The following PDZD2 variants were observed in gnomAD, a reference collection of about 807,000 sequenced individuals.
The protein encoded by PDZD2 is PDZ domain-containing protein 2.
A neutral mutation model predicts 220.7 loss-of-function variants in PDZD2; 90 were observed. The observed-to-expected ratio is 0.41, with a 90% CI of 0.34 to 0.49. PDZD2 has a LOEUF of 0.49. Ranked by LOEUF, PDZD2 falls within the 20% of genes least tolerant of loss-of-function variation. The probability of loss-of-function intolerance (pLI) is 0.28; values close to 1 mark genes in which losing one functional copy is unlikely to be tolerated. For missense variants in PDZD2, 3,174 were observed against 3,608.5 expected (o/e 0.88, Z 3.08); for synonymous variants, 1,375 against 1,450.5 (o/e 0.95, Z 1.18).
In PDZD2 at chr5:31,867,919, C is replaced by T. The variant is rs1304434037; in HGVS notation, c.476+68195C>T. ...CGGGGAGGGGCGGGGCAGAGCAGGG[C>T]AGGGGGAGCTGGTGACCTTTACTGA... On this transcript the variant is annotated intron_variant, in intron 2 of 24. Transcript: ENST00000438447. 2.0e-5 allele frequency among the ~76,000 whole-genome samples: 3 copies of T among 151,694 alleles called. No homozygotes were observed. In the East Asian group the frequency reaches 5.8e-4, roughly 29 times the overall value.
In PDZD2 at chr5:32,087,601, G is replaced by A. The variant is rs371289704; in HGVS notation, c.4153G>A (p.Val1385Met). ...TTCCCTGCTGGAGGGAGCAGATTCT[G>A]TGTCCTCAAGGGCACCGCAGGCCAG... ...EPSLLEGADSVSSRAPQASLS... is the reference protein window; with the variant it reads ...EPSLLEGADSMSSRAPQASLS... The change falls in exon 20 of 25, where the codon GTG (valine) becomes ATG (methionine). Residue 1385 changes from valine (V) to methionine (M), a missense_variant. By Grantham distance (21) the Val-to-Met change is conservative. Around this residue, in one of 4 missense-constraint regions of PDZD2, gnomAD observed 1,861 missense variants for 2,001.0 expected, o/e 0.93. Transcript: ENST00000438447. This position sits in a 1 kb window ranked among gnomAD's most constrained non-coding sequence, Gnocchi z 4.0. 197 of 1,614,014 alleles carry A rather than the reference G, an allele frequency of 1.2e-4. No homozygotes were observed. The highest frequency in any genetic ancestry group is 1.5e-4 in the Non-Finnish European group (180 of 1,180,010).
chr5:32,027,117 T>G (rs1211267050), intron 6 of PDZD2, among the ~76,000 whole-genome samples: 1 of 152,122 alleles, frequency 6.6e-6, no homozygotes, highest in Non-Finnish European at 1.5e-5. Context: ...TTGGCCAGGC[T>G]GGTCTTGAAC....
chr5:31,994,448 G>A (rs545602655), intron 3 of PDZD2, among the ~76,000 whole-genome samples: 2 of 152,112 alleles, frequency 1.3e-5, no homozygotes, highest in Admixed American at 1.3e-4. Flanking sequence ...TCTACCAAAC[G>A]TCTCATTTAT....
chr5:31,821,387 ATTTT>A (rs11388695), intron 2 of PDZD2, among the ~76,000 whole-genome samples: 9 of 92,534 alleles, frequency 9.7e-5, no homozygotes, highest in African/African-American at 2.7e-4. Context: ...TATTATTATT[ATTTT>A]TTTTTTTTGA....
At chr5:31,767,436 A>G (rs549004270) in intron 1 of PDZD2, among the ~76,000 whole-genome samples, 1 of 152,320 alleles carries the variant, frequency 6.6e-6, no homozygotes, top group African/African-American at 2.4e-5. Flanking sequence ...GTGTCTGCCA[A>G]TGGTCACCCG....
chr5:32,021,007 GAA>G (rs201973889), intron 6 of PDZD2, among the ~76,000 whole-genome samples: 1 of 150,954 alleles, frequency 6.6e-6, no homozygotes, highest in Admixed American at 6.6e-5. Context: ...GTGCCGGGGG[GAA>G]AAAAACCCCA....
intron 1 of PDZD2, among the ~76,000 whole-genome samples, chr5:31,729,120 T>TG (rs1554067451): frequency 6.7e-6 from 1 of 150,248 alleles, no homozygotes; most frequent in Non-Finnish European, 1.5e-5. Context: ...TTTTTTTTTT[T>TG]GAGACAGAGT....
chr5:31,859,737 A>T (rs998785156), intron 2 of PDZD2, among the ~76,000 whole-genome samples: 1 of 152,186 alleles, frequency 6.6e-6, no homozygotes. Context: ...CTAAAAAGCT[A>T]ACTGGAAGGT....
At chr5:31,672,756 G>A (rs998852426) in intron 1 of PDZD2, among the ~76,000 whole-genome samples, 1 of 152,184 alleles carries the variant, frequency 6.6e-6, no homozygotes, top group Admixed American at 6.5e-5. Flanking sequence ...GAGGTTTAGA[G>A]GAAATTGTCT....
At chr5:31,759,543 T>C (rs1229493794) in intron 1 of PDZD2, among the ~76,000 whole-genome samples, 1 of 46,492 alleles carries the variant, frequency 2.2e-5, no homozygotes, top group Non-Finnish European at 5.6e-5. Context: ...CAGAACTATT[T>C]TTTTTTTTTT....
intron 5 of PDZD2, among the ~76,000 whole-genome samples, chr5:32,002,669 CCACA>C (rs1247783561): frequency 3.2e-5 from 4 of 123,190 alleles, no homozygotes; most frequent in East Asian, 2.4e-4. Context: ...CACACACACA[CCACA>C]CACACACCAA....
At chr5:31,926,497 G>A (rs1400283446) in intron 2 of PDZD2, among the ~76,000 whole-genome samples, 1 of 135,350 alleles carries the variant, frequency 7.4e-6, no homozygotes, top group Non-Finnish European at 1.5e-5. Context: ...CTGCACTCCA[G>A]CCTGGGCAAC....
At chr5:31,710,588 C>T (rs1040776236) in intron 1 of PDZD2, among the ~76,000 whole-genome samples, 6 of 152,006 alleles carry the variant, frequency 3.9e-5, no homozygotes, top group Admixed American at 1.3e-4. Flanking sequence ...GAGGCCGAGG[C>T]GGGTGGATCA....
rs76471478 is a variant in PDZD2, at chr5:31,674,303, C to G, written c.-361+34866C>G. 7.6e-4 allele frequency among the ~76,000 whole-genome samples: 116 copies of G among 152,228 alleles called. 1 individual carries two copies. In the East Asian group the frequency reaches 0.02, roughly 26 times the overall value. On this transcript the variant is annotated intron_variant, in intron 1 of 24. Transcript: ENST00000438447. ...GAGAAAAATCGAGTCAAGAGAGTGA[C>G]TAATGAGTAAGCTAATTACTCACTT...
chr5:32,038,657 G>T (rs1399694405), intron 7 of PDZD2, among the ~76,000 whole-genome samples: 1 of 151,978 alleles, frequency 6.6e-6, no homozygotes, highest in African/African-American at 2.4e-5. Context: ...CACTTTTATG[G>T]GTCCCTGAAG....
At chr5:31,888,481 C>T (rs988122923) in intron 2 of PDZD2, among the ~76,000 whole-genome samples, 24 of 152,174 alleles carry the variant, frequency 1.6e-4, no homozygotes, top group African/African-American at 5.1e-4. Context: ...TGTGAGCCAC[C>T]GCACCCGGCC....
chr5:31,838,821 G>C (rs1170626177), intron 2 of PDZD2, among the ~76,000 whole-genome samples: 1 of 152,214 alleles, frequency 6.6e-6, no homozygotes, highest in Non-Finnish European at 1.5e-5. Context: ...CAAGAGGCCA[G>C]GTCTGTGAAC....
At chr5:31,926,436 G>A (rs1205078479) in intron 2 of PDZD2, among the ~76,000 whole-genome samples, 1 of 137,772 alleles carries the variant, frequency 7.3e-6, no homozygotes, top group Non-Finnish European at 1.5e-5. Flanking sequence ...TGAGGCAGGA[G>A]AATTGCTTGG....
At position 31,731,782 on chromosome 5, in the gene PDZD2, T is replaced by A. The variant is rs183796067; in HGVS notation, c.-360-67107T>A. ...ATTTGGGCTGTTTCTACCTTTTGAC[T>A]ACTGTCAACACTGTTTTGTTACTAT... On this transcript the variant is annotated intron_variant, in intron 1 of 24. Coordinates refer to ENST00000438447, the MANE Select transcript of PDZD2 (RefSeq NM_178140.4). 1.8e-4 allele frequency among the ~76,000 whole-genome samples: 28 copies of A among 152,378 alleles called. No homozygotes were observed. The East Asian group carries it at 3.5e-3, about 19-fold the overall frequency.
Sources: gnomAD v4.1 joint callset for allele counts (sites outside exome capture counted in the v4.1 genomes callset) on GRCh38, gnomAD v4.1.1 for gene constraint, gnomAD v4.1.1 regional missense constraint, Gnocchi (gnomAD v3.1) non-coding constraint, MANE v1.5 for transcripts, NCBI Gene and HGNC (gene_info 2026-07-23, HGNC 2026-07-21) for gene names.